FER1L6: variants seen among roughly 807,000 people sequenced by gnomAD.
FER1L6 encodes fer-1-like protein 6.
In FER1L6, 177 loss-of-function variants were observed where a neutral mutation model predicts 219.2. The observed-to-expected ratio is 0.81, with a 90% CI of 0.71 to 0.91. FER1L6 has a LOEUF of 0.91. Ranked by LOEUF, FER1L6 falls within the 40% of genes least tolerant of loss-of-function variation. FER1L6 has a pLI of 0.00. For missense variants in FER1L6, 2,153 were observed against 2,259.9 expected, an observed-to-expected ratio of 0.95 and a Z score of 0.96; for synonymous variants, 768 against 824.3, an observed-to-expected ratio of 0.93 and a Z score of 1.17.
At chr8:123,976,284 T>A (rs192231837) in intron 9 of FER1L6, among the ~76,000 whole-genome samples, 200 bp downstream of exon 9, 1 of 152,262 alleles carries the variant, frequency 6.6e-6, no homozygotes. Flanking sequence ...GTGAATCACT[T>A]GAGGCCAGGA....
chr8:124,024,084 G>T (rs1230736509), intron 18 of FER1L6, among the ~76,000 whole-genome samples: 1 of 151,974 alleles, frequency 6.6e-6, no homozygotes, highest in Non-Finnish European at 1.5e-5. Flanking sequence ...TTTTAGTAGA[G>T]ATGGGGTTTC....
chr8:123,983,350 C>T (rs1179660828), intron 11 of FER1L6, among the ~76,000 whole-genome samples: 6 of 152,112 alleles, frequency 3.9e-5, no homozygotes, highest in African/African-American at 1.4e-4. Flanking sequence ...CAGATCATAG[C>T]CAATCTAAAA....
chr8:124,095,103 T>A (rs981687821), intron 35 of FER1L6, 65 bp downstream of exon 35: 1 of 1,587,522 alleles, frequency 6.3e-7, no homozygotes, highest in Non-Finnish European at 8.6e-7. Context: ...ATGGTTTTCA[T>A]CCAGGAACAA....
intron 1 of FER1L6, among the ~76,000 whole-genome samples, chr8:123,911,864 G>C (rs1405587021): frequency 1.3e-5 from 2 of 152,130 alleles, no homozygotes; most frequent in South Asian, 2.1e-4. Flanking sequence ...ACAGGCTGTT[G>C]GTTTTGTTCC....
At position 124,101,121 on chromosome 8, in the gene FER1L6, CAA is replaced by C. The variant is rs1563800882; in HGVS notation, c.4909_4910del (p.Lys1637AlafsTer30). 2.5e-6 allele frequency: 4 copies of C among 1,613,674 alleles called. No individual in the cohort carries two copies. The East Asian group carries it at 8.9e-5, about 36-fold the overall frequency. On this transcript the variant is annotated frameshift_variant, in exon 38 of 41. Transcript: ENST00000522917. LOFTEE classifies it high-confidence loss of function. ...GGTGGTTAAAGGGCTTGGAGGATGA[CAA>C]GCAGGAGACAGATGTGCATTACAAC... The part of the protein sequence containing the change: ...KGWLKGLEDD[K>X]QETDVHYNSL...
chr8:123,873,366 C>G (rs1207690710), intron 1 of FER1L6, among the ~76,000 whole-genome samples: 1 of 152,210 alleles, frequency 6.6e-6, no homozygotes, highest in Non-Finnish European at 1.5e-5. Flanking sequence ...GCATCTTCAT[C>G]CTCTTTTCTG....
chr8:123,920,285 G>C (rs189712132), intron 1 of FER1L6, among the ~76,000 whole-genome samples: 2 of 152,314 alleles, frequency 1.3e-5, no homozygotes, highest in South Asian at 2.1e-4. Flanking sequence ...GATGGGAAAC[G>C]AAGTTCCTGA....
intron 12 of FER1L6, among the ~76,000 whole-genome samples, chr8:123,987,493 G>A (rs1021170408): frequency 3.9e-5 from 6 of 151,992 alleles, no homozygotes; most frequent in African/African-American, 1.5e-4. Context: ...TTTATGAATT[G>A]TTTCCTTTGA....
intron 1 of FER1L6, among the ~76,000 whole-genome samples, chr8:123,864,600 C>T (rs1266169917): frequency 6.7e-6 from 1 of 149,630 alleles, no homozygotes. Flanking sequence ...CCATTCTCCG[C>T]ATCACTTTCA....
chr8:124,011,758 G>GAT (rs1817941953), intron 14 of FER1L6, among the ~76,000 whole-genome samples: 1 of 151,850 alleles, frequency 6.6e-6, no homozygotes, highest in South Asian at 2.1e-4. Context: ...TTGCTGGGGT[G>GAT]ATAGGCATGA....
chr8:123,973,952 A>G (rs988402767), intron 7 of FER1L6, among the ~76,000 whole-genome samples: 2 of 152,228 alleles, frequency 1.3e-5, no homozygotes, highest in Non-Finnish European at 2.9e-5. Flanking sequence ...GGATTGAGTA[A>G]GTTAATATAC....
At chr8:123,941,169 G>T (rs1030591942) in intron 1 of FER1L6, among the ~76,000 whole-genome samples, 4 of 152,118 alleles carry the variant, frequency 2.6e-5, no homozygotes, top group African/African-American at 7.2e-5. Context: ...AAAGTGAACA[G>T]TAATGGAAAA....
rs758496526 is a variant in FER1L6, at chr8:123,976,124, G to T, written c.870+40G>T. Reference sequence around the variant, plus strand: ...TCACTAACACTGCCTGCTAGGCCAGGGCCCTGCTCTCTATCCAAGATATGT... The same window carrying T: ...TCACTAACACTGCCTGCTAGGCCAGTGCCCTGCTCTCTATCCAAGATATGT... On this transcript the variant is annotated intron_variant, in intron 9 of 40. Coordinates refer to ENST00000522917, the MANE Select transcript of FER1L6 (RefSeq NM_001039112.2). 7 of 1,430,654 alleles carry T rather than the reference G, an allele frequency of 4.9e-6. No homozygotes were observed. The Admixed American group carries it at 6.0e-5, about 12-fold the overall frequency. 88.6% of individuals were successfully genotyped at this position (1,430,654 alleles called of 1,614,324 possible). A position where few individuals can be genotyped will look rare whatever the true frequency, so the allele number is the denominator to read the frequency against.
intron 1 of FER1L6, among the ~76,000 whole-genome samples, chr8:123,883,849 C>T (rs1218543331): frequency 1.3e-5 from 2 of 152,296 alleles, no homozygotes; most frequent in African/African-American, 4.8e-5. Flanking sequence ...TTCATGAGGG[C>T]TCTGTTCTCA....
chr8:124,003,421 C>A, intron 13 of FER1L6, 74 bp downstream of exon 13: 3 of 308,554 alleles, frequency 9.7e-6, no homozygotes, highest in Non-Finnish European at 1.6e-5. Flanking sequence ...GGACTGTTTT[C>A]TTCAGTTCTT....
chr8:123,983,400 C>G (rs897015443), intron 11 of FER1L6, among the ~76,000 whole-genome samples: 1 of 152,154 alleles, frequency 6.6e-6, no homozygotes, highest in African/African-American at 2.4e-5. Flanking sequence ...CACTGACTAG[C>G]TTCTTATTTA....
At chr8:124,016,732 T>C (rs1818219843) in intron 15 of FER1L6, among the ~76,000 whole-genome samples, 1 of 152,232 alleles carries the variant, frequency 6.6e-6, no homozygotes, top group Non-Finnish European at 1.5e-5. Flanking sequence ...CAATTGCATG[T>C]ATGTGTCATG....
At chr8:123,958,632 C>T (rs1815126267) in intron 2 of FER1L6, among the ~76,000 whole-genome samples, 1 of 151,904 alleles carries the variant, frequency 6.6e-6, no homozygotes. Context: ...CTGATTGTAC[C>T]ATCTGTTACC....
chr8:124,020,942 T>C (rs922307517), intron 16 of FER1L6, among the ~76,000 whole-genome samples: 1 of 152,080 alleles, frequency 6.6e-6, no homozygotes, highest in Non-Finnish European at 1.5e-5. Context: ...ACTGGGTAAT[T>C]ATAAAGGAAA....
Sources: allele counts gnomAD v4.1 joint callset (sites outside exome capture counted in the v4.1 genomes callset), GRCh38; gene constraint gnomAD v4.1.1; transcripts MANE v1.5; gene names NCBI Gene and HGNC (gene_info 2026-07-23, HGNC 2026-07-21).